The following QTMAN variants were observed in gnomAD, a reference collection of about 807,000 sequenced individuals.
QTMAN encodes queuosine-tRNA mannosyltransferase.
chr2:144,213,721 T>C, the QTMAN span, among the ~76,000 whole-genome samples: 1 of 152,228 alleles, frequency 6.6e-6, no homozygotes, highest in Non-Finnish European at 1.5e-5. Context: ...GTTGAAAATA[T>C]AGTTTTGATT....
chr2:143,945,073 T>C, the QTMAN span: 31 of 152,206 alleles, frequency 2.0e-4, no homozygotes, highest in African/African-American at 7.5e-4. Flanking sequence ...TAATATTATT[T>C]TGAGAAGATG....
At chr2:144,317,269 T>G in the QTMAN span, among the ~76,000 whole-genome samples, 1 of 152,024 alleles carries the variant, frequency 6.6e-6, no homozygotes, top group African/African-American at 2.4e-5. Flanking sequence ...ACCAGGGATT[T>G]TGAGGTTGGA....
the QTMAN span, among the ~76,000 whole-genome samples, chr2:144,039,623 G>A: frequency 1.4e-4 from 22 of 152,312 alleles, no homozygotes; most frequent in East Asian, 4.2e-3. Flanking sequence ...AATTGAACAT[G>A]CCATTCACTT....
chr2:144,138,606 G>C, the QTMAN span, among the ~76,000 whole-genome samples: 8 of 151,544 alleles, frequency 5.3e-5, no homozygotes, highest in African/African-American at 1.9e-4. Context: ...GTGTAGATGG[G>C]GCCTTACACA....
chr2:144,208,825 G>T, the QTMAN span: 2 of 1,408,002 alleles, frequency 1.4e-6, no homozygotes, highest in South Asian at 1.4e-5. Flanking sequence ...ACCAAAAAAT[G>T]TATATTTTTT....
the QTMAN span, among the ~76,000 whole-genome samples, chr2:144,059,417 C>T: frequency 6.6e-6 from 1 of 152,298 alleles, no homozygotes; most frequent in East Asian, 1.9e-4. Context: ...CATCATTCAT[C>T]CTTATAACAG....
chr2:144,313,764 TATTATC>T, the QTMAN span, among the ~76,000 whole-genome samples: 1 of 151,570 alleles, frequency 6.6e-6, no homozygotes, highest in African/African-American at 2.4e-5. Flanking sequence ...TAATCAATCT[TATTATC>T]ATTAGAGTTT....
the QTMAN span, among the ~76,000 whole-genome samples, chr2:144,202,262 G>A: frequency 6.1e-3 from 931 of 152,288 alleles, 14 homozygotes; most frequent in African/African-American, 0.021. Flanking sequence ...TATCTGCATC[G>A]TAGCTCTAGA....
At chr2:144,106,189 T>C in the QTMAN span, among the ~76,000 whole-genome samples, 2 of 152,256 alleles carry the variant, frequency 1.3e-5, no homozygotes, top group Non-Finnish European at 2.9e-5. Context: ...AGGAAGAAAC[T>C]GCATCAACTA....
chr2:144,113,236 A>G, the QTMAN span, among the ~76,000 whole-genome samples: 1 of 152,164 alleles, frequency 6.6e-6, no homozygotes, highest in African/African-American at 2.4e-5. Flanking sequence ...AAAGTTTCAG[A>G]AAAAAAGAGG....
At chr2:144,292,865 T>C in the QTMAN span, among the ~76,000 whole-genome samples, 3 of 152,194 alleles carry the variant, frequency 2.0e-5, no homozygotes, top group African/African-American at 4.8e-5. Flanking sequence ...TGTCACTTTA[T>C]TTCATTTTAA....
the QTMAN span, among the ~76,000 whole-genome samples, chr2:144,085,289 A>T: frequency 6.6e-6 from 1 of 152,378 alleles, no homozygotes; most frequent in Admixed American, 6.5e-5. Context: ...CTGTCCTAGG[A>T]CATGCACTAA....
At chr2:144,173,133 G>A in the QTMAN span, among the ~76,000 whole-genome samples, 13 of 152,118 alleles carry the variant, frequency 8.5e-5, no homozygotes, top group East Asian at 2.5e-3. Flanking sequence ...GCTTAACTCT[G>A]TTCTTCTGGT....
the QTMAN span, among the ~76,000 whole-genome samples, chr2:144,325,765 G>A: frequency 4.6e-5 from 7 of 152,270 alleles, no homozygotes; most frequent in South Asian, 8.3e-4. Flanking sequence ...AAAAGTATAA[G>A]ATTTTGGCCT....
the QTMAN span, among the ~76,000 whole-genome samples, chr2:143,953,641 A>G: frequency 6.6e-6 from 1 of 152,046 alleles, no homozygotes; most frequent in East Asian, 1.9e-4. Context: ...TTAGCCCTGC[A>G]TAATAGCTAT....
At chr2:144,126,785 G>C in the QTMAN span, among the ~76,000 whole-genome samples, 19 of 151,988 alleles carry the variant, frequency 1.3e-4, no homozygotes, top group African/African-American at 4.3e-4. Context: ...GACCCCAAAG[G>C]CATGTTTCGT....
the QTMAN span, among the ~76,000 whole-genome samples, chr2:144,053,702 C>T: frequency 1.3e-5 from 2 of 152,170 alleles, no homozygotes; most frequent in Non-Finnish European, 2.9e-5. Context: ...ACTCCACTCT[C>T]CTCCTTCCAG....
the QTMAN span, among the ~76,000 whole-genome samples, chr2:144,036,028 A>C: frequency 1.3e-5 from 2 of 152,190 alleles, no homozygotes; most frequent in Non-Finnish European, 2.9e-5. Context: ...AAATCCCTCT[A>C]ATCAGGATAT....
the QTMAN span, among the ~76,000 whole-genome samples, chr2:144,188,502 T>C: frequency 1.4e-5 from 2 of 142,648 alleles, no homozygotes; most frequent in Non-Finnish European, 3.0e-5. Flanking sequence ...TGAGTCCTTT[T>C]GCAATCGGAT....
Sources: allele counts gnomAD v4.1 joint callset (sites outside exome capture counted in the v4.1 genomes callset), GRCh38; gene constraint gnomAD v4.1.1; transcripts MANE v1.5; gene names NCBI Gene and HGNC (gene_info 2026-07-23, HGNC 2026-07-21).